SPATA7: variants seen among roughly 807,000 people sequenced by gnomAD.
SPATA7 encodes spermatogenesis associated 7, also known as spermatogenesis-associated protein 7.
In SPATA7, 43 loss-of-function variants were observed where a neutral mutation model predicts 51.8. The observed-to-expected ratio is 0.83, with a 90% CI of 0.65 to 1.07. SPATA7 has a LOEUF of 1.07. Among genes scored for constraint, SPATA7 ranks in the 50% least tolerant of loss-of-function variants. The pLI, the probability that SPATA7 is intolerant of heterozygous loss-of-function variation, is 0.00. For missense variants in SPATA7, 683 were observed against 701.3 expected, an observed-to-expected ratio of 0.97 and a Z score of 0.30; for synonymous variants, 230 against 252.8, an observed-to-expected ratio of 0.91 and a Z score of 0.86.
downstream of SPATA7, among the ~76,000 whole-genome samples, chr14:88,441,528 G>T (rs976257726): frequency 6.6e-6 from 1 of 151,824 alleles, no homozygotes; most frequent in Non-Finnish European, 1.5e-5. Context: ...TTTATTTTTT[G>T]ATTATGGCCA....
rs183923378 is a variant in SPATA7 at position 88,460,293 on chromosome 14, C to T, written c.255-9554C>T. Among the ~76,000 whole-genome samples the T allele has an allele frequency of 3.3e-5, 5 of 152,262 alleles. No homozygotes were observed. The East Asian group carries it at 7.7e-4, about 23-fold the overall frequency. ...TGGGGAAGTTCTCCTGGATAATATC[C>T]TGCAGAGTGTTTTCCAACTTGGTTC... is the stretch of plus-strand genomic sequence containing the variant. On this transcript the variant is annotated intron_variant, in intron 4 of 4. Transcript: ENST00000556406.
chr14:88,427,332 T>C (rs2076821710), intron 6 of SPATA7, among the ~76,000 whole-genome samples: 1 of 152,208 alleles, frequency 6.6e-6, no homozygotes, highest in Admixed American at 6.5e-5. Flanking sequence ...AGATTTGTGA[T>C]TGTGATTGTT....
At chr14:88,442,517 C>T (rs1445198735), downstream of SPATA7, among the ~76,000 whole-genome samples, 1 of 152,062 alleles carries the variant, frequency 6.6e-6, no homozygotes, top group Admixed American at 6.6e-5. Context: ...TGGATTTTGT[C>T]AAATGCTTTA....
intron 5 of SPATA7, among the ~76,000 whole-genome samples, chr14:88,418,887 T>A (rs2076558605): frequency 1.3e-5 from 2 of 152,236 alleles, no homozygotes; most frequent in African/African-American, 4.8e-5. Flanking sequence ...CTAGCCTAAT[T>A]GTACTGTGAT....
intron 4 of SPATA7, chr14:88,467,834 A>G (rs368779520): frequency 2.9e-4 from 88 of 298,806 alleles, no homozygotes; most frequent in African/African-American, 7.8e-4. Flanking sequence ...TCAGTAAAAT[A>G]GAGAATTGTC....
intron 2 of SPATA7, 30 bp downstream of exon 2, chr14:88,391,485 G>C: frequency 6.3e-7 from 1 of 1,587,570 alleles, no homozygotes; most frequent in Non-Finnish European, 8.6e-7. Context: ...CGGCAGCTTT[G>C]TTAGAAGATT....
At chr14:88,443,189 C>T (rs1266615441), downstream of SPATA7, among the ~76,000 whole-genome samples, 3 of 152,236 alleles carry the variant, frequency 2.0e-5, no homozygotes, top group South Asian at 2.1e-4. Context: ...GTGGTCCACC[C>T]GCCTTGGCCT....
chr14:88,447,672 C>T (rs919379020), intron 3 of SPATA7, among the ~76,000 whole-genome samples: 1 of 151,660 alleles, frequency 6.6e-6, no homozygotes, highest in African/African-American at 2.4e-5. Context: ...TCTTTTAGGG[C>T]AGGCCTGGTG....
chr14:88,469,747 G>C lies in SPATA7; in HGVS notation c.255-100G>C. 1 of 1,613,278 alleles carries C rather than the reference G, an allele frequency of 6.2e-7. No individual in the cohort carries two copies. The highest frequency in any genetic ancestry group is 8.5e-7 in the Non-Finnish European group (1 of 1,179,234). On this transcript the variant is annotated intron_variant, in intron 4 of 4. Transcript: ENST00000556406. This position sits in a 1 kb window ranked among gnomAD's most constrained non-coding sequence, Gnocchi z 4.3. ...CCTTCCACCCTCCTGTTAAAGATGAGCATGGTTAAATGACTCGAGATCCGG... is the reference window on the plus strand; with the variant it reads ...CCTTCCACCCTCCTGTTAAAGATGACCATGGTTAAATGACTCGAGATCCGG...
intron 3 of SPATA7, among the ~76,000 whole-genome samples, chr14:88,453,718 T>A (rs1291270561): frequency 6.6e-6 from 1 of 152,234 alleles, no homozygotes; most frequent in Non-Finnish European, 1.5e-5. Context: ...TATTCACTCT[T>A]CATGTGCTGG....
intron 10 of SPATA7, among the ~76,000 whole-genome samples, chr14:88,436,577 A>G (rs987773475): frequency 6.6e-6 from 1 of 152,106 alleles, no homozygotes; most frequent in Non-Finnish European, 1.5e-5. Flanking sequence ...TAAGCCTTTC[A>G]TCTATTTTGA....
chr14:88,429,105 G>T, intron 7 of SPATA7: 3 of 278,218 alleles, frequency 1.1e-5, no homozygotes, highest in Non-Finnish European at 2.1e-5. Flanking sequence ...TTTATTTGTG[G>T]CAATTTCTTA....
At chr14:88,448,517 G>A (rs1268447545) in intron 3 of SPATA7, among the ~76,000 whole-genome samples, 15 of 152,168 alleles carry the variant, frequency 9.9e-5, no homozygotes, top group Admixed American at 5.2e-4. Flanking sequence ...GCTTTGTTCC[G>A]TTGCTGGTGA....
At chr14:88,461,695 C>T (rs942224652) in intron 4 of SPATA7, among the ~76,000 whole-genome samples, 9 of 152,030 alleles carry the variant, frequency 5.9e-5, no homozygotes, top group Non-Finnish European at 8.8e-5. Flanking sequence ...GGCTTACGCT[C>T]GGTGGGCTGC....
At chr14:88,400,791 T>C (rs989854753) in intron 4 of SPATA7, among the ~76,000 whole-genome samples, 1 of 152,070 alleles carries the variant, frequency 6.6e-6, no homozygotes, top group African/African-American at 2.4e-5. Context: ...GCTGAGATCA[T>C]GCCCCTGCAC....
intron 4 of SPATA7, among the ~76,000 whole-genome samples, chr14:88,406,281 A>C (rs1258625559): frequency 1.3e-5 from 2 of 152,072 alleles, no homozygotes; most frequent in Non-Finnish European, 2.9e-5. Flanking sequence ...TAATTTACAT[A>C]CTATAAGATT....
At chr14:88,452,570 C>T (rs1045464629) in intron 3 of SPATA7, among the ~76,000 whole-genome samples, 1 of 152,178 alleles carries the variant, frequency 6.6e-6, no homozygotes, top group Admixed American at 6.5e-5. Flanking sequence ...TCTGTCTGCT[C>T]AATTCTCTTG....
intron 3 of SPATA7, among the ~76,000 whole-genome samples, chr14:88,449,893 CT>C (rs1339109386): frequency 5.9e-5 from 9 of 152,088 alleles, no homozygotes; most frequent in Non-Finnish European, 1.3e-4. Flanking sequence ...AGAATAGCTA[CT>C]CCTGCTTGCT....
At position 88,385,872 on chromosome 14, in the gene SPATA7, G is replaced by T. The variant is rs374569984; in HGVS notation, c.19+35G>T. 59 of 1,586,226 alleles carry T rather than the reference G, an allele frequency of 3.7e-5. No individual in the cohort carries two copies. In the African/African-American group the frequency reaches 6.9e-4, roughly 19 times the overall value. ...AGCTGTCAGGGGCTACCGCCGCCTC[G>T]CCCCTCGCTCCAGGCGGCGCTCCCA... is the stretch of plus-strand genomic sequence containing the variant. On this transcript the variant is annotated intron_variant, in intron 1 of 11. Transcript: ENST00000393545.
Sources: gnomAD v4.1 joint callset for allele counts (sites outside exome capture counted in the v4.1 genomes callset) on GRCh38, gnomAD v4.1.1 for gene constraint, Gnocchi (gnomAD v3.1) non-coding constraint, MANE v1.5 for transcripts, NCBI Gene and HGNC (gene_info 2026-07-23, HGNC 2026-07-21) for gene names.